MYO1D: variants seen among roughly 807,000 people sequenced by gnomAD.
The protein encoded by MYO1D is myosin ID.
In MYO1D, 83 loss-of-function variants were observed where a neutral mutation model predicts 122.0. The ratio of observed to expected loss-of-function variants is 0.68; its 90% confidence interval spans 0.57 to 0.82. The LOEUF (loss-of-function observed/expected upper bound fraction) is 0.82, where lower values mean the gene tolerates loss of function less well. Among genes scored for constraint, MYO1D ranks in the 40% least tolerant of loss-of-function variants. The pLI, the probability that MYO1D is intolerant of heterozygous loss-of-function variation, is 0.00. For missense variants in MYO1D, 1,157 were observed against 1,269.5 expected (o/e 0.91, Z 1.35); for synonymous variants, 464 against 446.9 (o/e 1.04, Z -0.48).
chr17:32,647,692 T>G (rs1310651782), intron 19 of MYO1D, among the ~76,000 whole-genome samples: 1 of 149,110 alleles, frequency 6.7e-6, no homozygotes, highest in Non-Finnish European at 1.5e-5. Flanking sequence ...TATACATTTT[T>G]TTTTTTTTTT....
chr17:32,791,995 G>A (rs1288730873), intron 1 of MYO1D, among the ~76,000 whole-genome samples: 1 of 151,984 alleles, frequency 6.6e-6, no homozygotes, highest in East Asian at 1.9e-4. Context: ...TGTTTATCTT[G>A]GCAAAAGTCT....
chr17:32,819,891 T>C lies in MYO1D; in HGVS notation c.96-39107A>G, dbSNP rs554081135. Among the ~76,000 whole-genome samples the C allele has an allele frequency of 8.5e-5, 13 of 152,328 alleles. 1 individual carries two copies. The South Asian group carries it at 2.7e-3, about 32-fold the overall frequency. ...TGCTTAAGGTTACACAACTAGCAAG[T>C]GGCTAAGTCGGAATTTCAATCTAGA... On this transcript the variant is annotated intron_variant, in intron 1 of 21. Coordinates refer to ENST00000318217, the MANE Select transcript of MYO1D (RefSeq NM_015194.3).
At chr17:32,668,422 T>A (rs1567939178) in intron 16 of MYO1D, among the ~76,000 whole-genome samples, 1 of 152,192 alleles carries the variant, frequency 6.6e-6, no homozygotes, top group Non-Finnish European at 1.5e-5. Context: ...ATCAAAATAA[T>A]AACACAGTAT....
intron 1 of MYO1D, among the ~76,000 whole-genome samples, chr17:32,867,912 TA>T (rs1216916145): frequency 7.9e-5 from 11 of 139,878 alleles, no homozygotes; most frequent in South Asian, 2.3e-4. Flanking sequence ...GTTATAGATT[TA>T]AAAAAAAAAC....
rs373726199 is a variant in MYO1D, at chr17:32,638,829, G to T, written c.2602C>A (p.Arg868=). The T allele has an allele frequency of 3.5e-4, 568 of 1,607,534 alleles. 3 individuals are homozygous for T. Among genetic ancestry groups the T allele is most frequent in the Non-Finnish European group, 1.2e-4 (143 of 1,174,244 alleles). ...LFSCHVRKVN[R]FSKVEDRAIF... ...GCTCTGTCTTCCACCTTACTAAATC[G>T]ATTTACCTGTAAGAGAACAAACCAA... The change falls in exon 20 of 22, where the codon CGA becomes AGA. Residue 868 remains arginine, a synonymous_variant. Transcript: ENST00000318217.
At chr17:32,765,616 G>A (rs769451246) in intron 7 of MYO1D, among the ~76,000 whole-genome samples, 2 of 151,952 alleles carry the variant, frequency 1.3e-5, no homozygotes, top group Non-Finnish European at 2.9e-5. Context: ...CTGACACCAC[G>A]CCCAGCTAAT....
chr17:32,707,513 G>C (rs1011081122), intron 16 of MYO1D, among the ~76,000 whole-genome samples: 11 of 152,054 alleles, frequency 7.2e-5, no homozygotes, highest in Admixed American at 5.9e-4. Flanking sequence ...CACCAGTATG[G>C]AAGGCTACAT....
chr17:32,573,559 A>G (rs2087250379), intron 21 of MYO1D, among the ~76,000 whole-genome samples: 1 of 151,390 alleles, frequency 6.6e-6, no homozygotes, highest in Non-Finnish European at 1.5e-5. Flanking sequence ...TTGGTCTGTT[A>G]CCGAGGCTGG....
chr17:32,601,944 A>T lies in MYO1D; in HGVS notation c.2864+3143T>A, dbSNP rs563273727. Among the ~76,000 whole-genome samples, 10 of 152,308 alleles carry T rather than the reference A, an allele frequency of 6.6e-5. No homozygotes were observed. In the South Asian group the frequency reaches 2.1e-3, roughly 32 times the overall value. ...TTGAATAAAGACTGCAGGAGGTGAA[A>T]GAGAGACTAATTTATACTTAGTTGG... On this transcript the variant is annotated intron_variant, in intron 21 of 21. Coordinates refer to ENST00000318217, the MANE Select transcript of MYO1D (RefSeq NM_015194.3).
chr17:32,612,336 G>A (rs1221776396), intron 20 of MYO1D, among the ~76,000 whole-genome samples: 1 of 152,076 alleles, frequency 6.6e-6, no homozygotes, highest in Admixed American at 6.5e-5. Context: ...AGGCAAAACC[G>A]CAAATATTTA....
In MYO1D at chr17:32,766,966, C is replaced by A. The variant is rs574974353; in HGVS notation, c.831+670G>T. On this transcript the variant is annotated intron_variant, in intron 7 of 21. Transcript: ENST00000318217. ...TATAATATTTTTCATAAAGATCCTGCACATTTCTGATTCATTTAGAGTTAA... is the reference window on the plus strand; with the variant it reads ...TATAATATTTTTCATAAAGATCCTGAACATTTCTGATTCATTTAGAGTTAA... Among the ~76,000 whole-genome samples, 8 of 152,284 alleles carry A rather than the reference C, an allele frequency of 5.3e-5. No homozygotes were observed. The South Asian group carries it at 1.7e-3, about 32-fold the overall frequency.
chr17:32,829,766 T>G (rs2090755121), intron 1 of MYO1D, among the ~76,000 whole-genome samples: 1 of 152,178 alleles, frequency 6.6e-6, no homozygotes, highest in African/African-American at 2.4e-5. Context: ...ATGTTGTTTT[T>G]TAAACTAACA....
At chr17:32,675,671 C>T (rs1177514787) in intron 16 of MYO1D, among the ~76,000 whole-genome samples, 1 of 151,856 alleles carries the variant, frequency 6.6e-6, no homozygotes, top group African/African-American at 2.4e-5. Flanking sequence ...TATCTTTTAT[C>T]CATTTTCTTT....
chr17:32,745,272 C>G lies in MYO1D; in HGVS notation c.1552G>C (p.Gly518Arg), dbSNP rs2089822381. ...YAGDVVYSVI[G>R]FIDKNKDTLF... ...GTATCTTTATTTTTGTCAATAAAAC[C>G]AATGACAGAATAGCTAACAGGGAAA... The change falls in exon 13 of 22, where the codon GGT (glycine) becomes CGT (arginine). Residue 518 changes from glycine to arginine, a missense_variant. Coordinates refer to ENST00000318217, the MANE Select transcript of MYO1D (RefSeq NM_015194.3). The G allele has an allele frequency of 6.5e-7, 1 of 1,546,600 alleles. No homozygotes were observed. Among genetic ancestry groups the G allele is most frequent in the East Asian group, 2.3e-5 (1 of 44,284 alleles).
intron 16 of MYO1D, 82 bp downstream of exon 16, chr17:32,711,906 T>C: frequency 8.7e-7 from 1 of 1,154,590 alleles, no homozygotes; most frequent in South Asian, 1.5e-5. Flanking sequence ...CAGGAATATT[T>C]CTTGAATTAA....
chr17:32,866,360 G>A (rs373165553), intron 1 of MYO1D, among the ~76,000 whole-genome samples: 15 of 152,202 alleles, frequency 9.9e-5, no homozygotes, highest in Admixed American at 5.2e-4. Flanking sequence ...CAAAGTTTTC[G>A]TCAGGTACCC....
In MYO1D at chr17:32,803,222, C is replaced by T. The variant is rs551002927; in HGVS notation, c.96-22438G>A. Among the ~76,000 whole-genome samples, 32 of 152,280 alleles carry T rather than the reference C, an allele frequency of 2.1e-4. No homozygotes were observed. In the South Asian group the frequency reaches 6.6e-3, roughly 32 times the overall value. On this transcript the variant is annotated intron_variant, in intron 1 of 21. Transcript: ENST00000318217. ...AGTGCAGTGGCGTGATCTCGGCTCACTGCAGGCTCCGCCTCCCAGGTTCAC... is the reference window on the plus strand; with the variant it reads ...AGTGCAGTGGCGTGATCTCGGCTCATTGCAGGCTCCGCCTCCCAGGTTCAC...
At chr17:32,612,459 G>C (rs2087713040) in intron 20 of MYO1D, among the ~76,000 whole-genome samples, 1 of 151,982 alleles carries the variant, frequency 6.6e-6, no homozygotes, top group Non-Finnish European at 1.5e-5. Flanking sequence ...GACTGAGACA[G>C]GAGGATCACT....
chr17:32,790,488 T>C (rs1238490586), intron 1 of MYO1D, among the ~76,000 whole-genome samples: 1 of 152,222 alleles, frequency 6.6e-6, no homozygotes, highest in Non-Finnish European at 1.5e-5. Context: ...CGGTCACAAG[T>C]TGTTTTTTGT....
Sources: gnomAD v4.1 joint callset for allele counts (sites outside exome capture counted in the v4.1 genomes callset) on GRCh38, gnomAD v4.1.1 for gene constraint, MANE v1.5 for transcripts, NCBI Gene and HGNC (gene_info 2026-07-23, HGNC 2026-07-21) for gene names.